The following ARL15 variants were observed in gnomAD, a reference collection of about 807,000 sequenced individuals.
ARL15 encodes ARF like GTPase 15, also known as ADP-ribosylation factor-like protein 15.
A neutral mutation model predicts 25.2 loss-of-function variants in ARL15; 19 were observed. That is an observed-to-expected ratio of 0.75 (90% CI 0.53 to 1.10). The LOEUF (loss-of-function observed/expected upper bound fraction) is 1.10. Among genes scored for constraint, ARL15 ranks in the 50% least tolerant of loss-of-function variants. The pLI is 0.00. For synonymous variants in ARL15, 94 were observed against 86.8 expected, an observed-to-expected ratio of 1.08 and a Z score of -0.46; for missense variants, 220 against 246.0, an observed-to-expected ratio of 0.89 and a Z score of 0.71.
At chr5:54,021,626 A>AC (rs1749605819) in intron 4 of ARL15, among the ~76,000 whole-genome samples, 1 of 152,168 alleles carries the variant, frequency 6.6e-6, no homozygotes, top group Admixed American at 6.5e-5. Context: ...AGCCTCAGGA[A>AC]CCTGTGGGAC....
At chr5:54,144,572 T>C (rs1408981131) in intron 3 of ARL15, among the ~76,000 whole-genome samples, 1 of 152,240 alleles carries the variant, frequency 6.6e-6, no homozygotes, top group Non-Finnish European at 1.5e-5. Flanking sequence ...TATTTTTTCT[T>C]CTCATTTTTC....
At chr5:54,105,987 A>AC (rs1239026158) in intron 4 of ARL15, among the ~76,000 whole-genome samples, 1 of 152,214 alleles carries the variant, frequency 6.6e-6, no homozygotes, top group Non-Finnish European at 1.5e-5. Context: ...GTTCTATAAG[A>AC]TAAATATAAG....
intron 1 of ARL15, among the ~76,000 whole-genome samples, chr5:54,172,818 G>A (rs1351741803): frequency 6.6e-6 from 1 of 152,188 alleles, no homozygotes; most frequent in African/African-American, 2.4e-5. Flanking sequence ...ATTAAATAGA[G>A]TCTCTATACA....
At chr5:54,126,880 A>C (rs1753270039) in intron 3 of ARL15, among the ~76,000 whole-genome samples, 1 of 151,856 alleles carries the variant, frequency 6.6e-6, no homozygotes, top group Non-Finnish European at 1.5e-5. Flanking sequence ...TTTAAGTTTT[A>C]GGGTACATGT....
chr5:54,111,506 T>C (rs1050945727), intron 4 of ARL15, among the ~76,000 whole-genome samples: 3 of 152,104 alleles, frequency 2.0e-5, no homozygotes, highest in African/African-American at 7.2e-5. Flanking sequence ...ATAAGTCATA[T>C]GTTAGGTTTA....
intron 1 of ARL15, among the ~76,000 whole-genome samples, chr5:54,195,257 T>G (rs1331437940): frequency 6.6e-6 from 1 of 152,076 alleles, no homozygotes; most frequent in African/African-American, 2.4e-5. Context: ...TCAAGATAGA[T>G]CCTATATTCA....
At chr5:54,307,121 A>G (rs571623452) in intron 1 of ARL15, among the ~76,000 whole-genome samples, 1 of 152,266 alleles carries the variant, frequency 6.6e-6, no homozygotes, top group Admixed American at 6.5e-5. Flanking sequence ...TTTAAACCCC[A>G]TCATGGAAAG....
Position 53,911,697 on chromosome 5 carries a change from TC to T in ARL15, c.463-24985del, listed in dbSNP as rs561905193. Among the ~76,000 whole-genome samples the T allele has an allele frequency of 5.6e-3, 845 of 152,134 alleles. 10 individuals are homozygous for T. The highest frequency in any genetic ancestry group is 0.019 in the African/African-American group (809 of 41,494). The stretch of plus-strand genomic sequence containing the variant: ...TTATCCCTCGCCACCCACCACCCTT[TC>T]CCCCAAGACCCCAAGTCTAATATGT... On this transcript the variant is annotated intron_variant, in intron 4 of 4. Coordinates refer to ENST00000504924, the MANE Select transcript of ARL15 (RefSeq NM_019087.3).
At chr5:53,926,613 C>A (rs1158486868) in intron 4 of ARL15, among the ~76,000 whole-genome samples, 1 of 152,148 alleles carries the variant, frequency 6.6e-6, no homozygotes, top group African/African-American at 2.4e-5. Flanking sequence ...AGCAAATTGA[C>A]AGTGAGTGGC....
At chr5:53,977,173 T>C (rs1051795742) in intron 4 of ARL15, among the ~76,000 whole-genome samples, 10 of 152,066 alleles carry the variant, frequency 6.6e-5, no homozygotes, top group African/African-American at 2.2e-4. Flanking sequence ...CCTGATAACA[T>C]GGTGAAACCC....
intron 3 of ARL15, among the ~76,000 whole-genome samples, chr5:54,132,717 T>G (rs1306018887): frequency 6.6e-6 from 1 of 152,210 alleles, no homozygotes; most frequent in Non-Finnish European, 1.5e-5. Context: ...ATGCCTCCCC[T>G]TTTTAGACCA....
intron 4 of ARL15, among the ~76,000 whole-genome samples, chr5:54,052,783 A>G (rs1273456938): frequency 6.6e-6 from 1 of 152,112 alleles, no homozygotes; most frequent in African/African-American, 2.4e-5. Context: ...AGTTCGCTCT[A>G]TCAGCTGAGG....
intron 1 of ARL15, among the ~76,000 whole-genome samples, chr5:54,178,928 C>T (rs146025208): frequency 4.6e-5 from 7 of 152,042 alleles, no homozygotes; most frequent in Admixed American, 2.0e-4. Flanking sequence ...TTGGGAGGGG[C>T]GGGTGTCCTA....
At chr5:54,277,099 G>A (rs1318522160) in intron 1 of ARL15, among the ~76,000 whole-genome samples, 1 of 152,056 alleles carries the variant, frequency 6.6e-6, no homozygotes. Flanking sequence ...AATTGAATTA[G>A]GGTAGGATTT....
At chr5:53,921,845 A>G (rs541134754) in intron 4 of ARL15, among the ~76,000 whole-genome samples, 41 of 152,344 alleles carry the variant, frequency 2.7e-4, no homozygotes, top group African/African-American at 9.6e-4. Flanking sequence ...ACCAGGAATG[A>G]GCAGTTTGAC....
At chr5:53,929,993 C>T (rs1375160330) in intron 4 of ARL15, among the ~76,000 whole-genome samples, 1 of 152,114 alleles carries the variant, frequency 6.6e-6, no homozygotes, top group African/African-American at 2.4e-5. Flanking sequence ...TTATATTAAA[C>T]ACTAATGAGA....
At chr5:53,996,556 T>C (rs3776722) in intron 4 of ARL15, among the ~76,000 whole-genome samples, 40,635 of 148,182 alleles carry the variant, frequency 0.27, 5,707 homozygotes, top group East Asian at 0.46. Context: ...GAGGCGGAGG[T>C]TGCAGTGCGC....
chr5:53,960,251 C>A (rs1196641977), intron 4 of ARL15, among the ~76,000 whole-genome samples: 1 of 152,132 alleles, frequency 6.6e-6, no homozygotes, highest in Non-Finnish European at 1.5e-5. Flanking sequence ...ATAAACATTT[C>A]CTGGTGCATA....
intron 3 of ARL15, among the ~76,000 whole-genome samples, chr5:54,136,058 T>C (rs906457197): frequency 1.3e-5 from 2 of 152,156 alleles, no homozygotes; most frequent in African/African-American, 4.8e-5. Context: ...ATCAGAAACA[T>C]CACCTTGTTA....
Sources: gnomAD v4.1 joint callset for allele counts (sites outside exome capture counted in the v4.1 genomes callset) on GRCh38, gnomAD v4.1.1 for gene constraint, MANE v1.5 for transcripts, NCBI Gene and HGNC (gene_info 2026-07-23, HGNC 2026-07-21) for gene names.